Variants in NPFFR2 observed in about 807,000 individuals in gnomAD.
NPFFR2 encodes neuropeptide FF receptor 2.
A neutral mutation model predicts 13.1 loss-of-function variants in NPFFR2; 15 were observed. The observed-to-expected ratio is 1.15, with a 90% CI of 0.77 to 1.76. NPFFR2 has a LOEUF of 1.76. Among genes scored for constraint, NPFFR2 ranks in the 40% most tolerant of loss-of-function variants. The pLI, the probability that NPFFR2 is intolerant of heterozygous loss-of-function variation, is 0.00. For missense variants in NPFFR2, 572 were observed against 503.5 expected (o/e 1.14, Z -1.30); for synonymous variants, 190 against 175.7 (o/e 1.08, Z -0.65).
At chr4:72,108,693 T>C (rs1721482719) in intron 1 of NPFFR2, among the ~76,000 whole-genome samples, 1 of 152,038 alleles carries the variant, frequency 6.6e-6, no homozygotes, top group Non-Finnish European at 1.5e-5. Flanking sequence ...AACAAGATTT[T>C]AACTACCTAA....
intron 1 of NPFFR2, among the ~76,000 whole-genome samples, chr4:72,066,622 A>T (rs1720079696): frequency 8.1e-6 from 1 of 122,760 alleles, no homozygotes; most frequent in East Asian, 2.1e-4. Flanking sequence ...GGATGGGCAC[A>T]AGTTAGATGT....
intron 1 of NPFFR2, among the ~76,000 whole-genome samples, chr4:72,111,659 A>T (rs972905634): frequency 6.6e-6 from 1 of 152,038 alleles, no homozygotes; most frequent in African/African-American, 2.4e-5. Context: ...AGGAAATTCC[A>T]AAAGTCACCG....
At chr4:72,068,860 TC>T in intron 1 of NPFFR2, 1 of 292,912 alleles carries the variant, frequency 3.4e-6, no homozygotes, top group Non-Finnish European at 5.9e-6. Flanking sequence ...TTTTATCTTA[TC>T]TTTTTTCCTG....
intron 1 of NPFFR2, among the ~76,000 whole-genome samples, chr4:72,114,740 GAAC>G (rs1408210609): frequency 6.6e-6 from 1 of 152,082 alleles, no homozygotes; most frequent in Non-Finnish European, 1.5e-5. Flanking sequence ...CTTTTGACAT[GAAC>G]AACATGTTAT....
At chr4:72,120,073 G>A (rs1026625549) in intron 1 of NPFFR2, among the ~76,000 whole-genome samples, 1 of 152,110 alleles carries the variant, frequency 6.6e-6, no homozygotes, top group Non-Finnish European at 1.5e-5. Flanking sequence ...AGTAGACCTG[G>A]GAGGCTCCAG....
In NPFFR2 at chr4:72,148,091, A is replaced by C; in HGVS notation, c.*279A>C. On this transcript the variant is annotated 3_prime_UTR_variant, in exon 4 of 4. Transcript: ENST00000308744. ...AAGCCTCATCTTTCCAAACTTAACC[A>C]TTTGTGTATGCGTCAAATCAAGCCT... 3.3e-6 allele frequency: 1 copy of C among 299,744 alleles called. No individual in the cohort carries two copies. The highest frequency in any genetic ancestry group is 6.5e-5 in the East Asian group (1 of 15,304). 18.6% of individuals were successfully genotyped at this position (299,744 alleles called of 1,614,324 possible).
rs1246920629 is a variant in NPFFR2 at position 72,038,895 on chromosome 4, A to T, written c.-8+6695A>T. On this transcript the variant is annotated intron_variant, in intron 1 of 3. Coordinates refer to ENST00000308744, the MANE Select transcript of NPFFR2 (RefSeq NM_004885.3). ...GTTGTTTTTTAATTCTTGATTTTTA[A>T]ATTTCCTTTCTTTTTTTTTTTTTTT... 1.2e-4 allele frequency among the ~76,000 whole-genome samples: 15 copies of T among 125,644 alleles called. 1 individual carries two copies. The highest frequency in any genetic ancestry group is 4.2e-4 in the African/African-American group (15 of 36,128). The allele number at this position is 125,644 out of a possible 152,430, so 82.4% of individuals were successfully genotyped here. A position where few individuals can be genotyped will look rare whatever the true frequency, so the allele number is the denominator to read the frequency against.
intron 1 of NPFFR2, among the ~76,000 whole-genome samples, chr4:72,081,688 G>T (rs755493690): frequency 6.6e-6 from 1 of 151,776 alleles, no homozygotes; most frequent in African/African-American, 2.4e-5. Flanking sequence ...TGGGGATCTT[G>T]CTATGTTGCC....
At chr4:72,037,403 GAAAA>G (rs11309179) in intron 1 of NPFFR2, among the ~76,000 whole-genome samples, 8 of 130,182 alleles carry the variant, frequency 6.1e-5, no homozygotes, top group Admixed American at 7.7e-5. Flanking sequence ...GATCTTGTTT[GAAAA>G]AAAAAAAAAA....
At chr4:72,059,279 G>T (rs986169378) in intron 1 of NPFFR2, among the ~76,000 whole-genome samples, 1 of 152,132 alleles carries the variant, frequency 6.6e-6, no homozygotes, top group East Asian at 1.9e-4. Flanking sequence ...TTAAAGAAAA[G>T]ATATAGTTTC....
chr4:72,034,381 C>T (rs1349619543), intron 1 of NPFFR2, among the ~76,000 whole-genome samples: 3 of 152,034 alleles, frequency 2.0e-5, no homozygotes, highest in Admixed American at 6.5e-5. Context: ...CGTGATGGCA[C>T]GAAGGAGAAA....
chr4:72,084,746 G>A (rs1720719579), intron 1 of NPFFR2, among the ~76,000 whole-genome samples: 2 of 152,076 alleles, frequency 1.3e-5, no homozygotes, highest in South Asian at 2.1e-4. Flanking sequence ...CCTGGAATGA[G>A]GGACACTGAA....
At chr4:72,102,979 G>A (rs557240272) in intron 1 of NPFFR2, among the ~76,000 whole-genome samples, 1 of 152,098 alleles carries the variant, frequency 6.6e-6, no homozygotes, top group Non-Finnish European at 1.5e-5. Context: ...CTAGTTTACA[G>A]TCCCACCAAC....
intron 1 of NPFFR2, among the ~76,000 whole-genome samples, chr4:72,050,987 T>C (rs1028748813): frequency 1.1e-4 from 16 of 151,940 alleles, no homozygotes; most frequent in African/African-American, 3.6e-4. Context: ...GTATATGTGC[T>C]ACATTTTCTT....
intron 1 of NPFFR2, among the ~76,000 whole-genome samples, chr4:72,048,825 CTT>C (rs1050973694): frequency 1.3e-5 from 2 of 151,522 alleles, no homozygotes; most frequent in Admixed American, 1.3e-4. Context: ...AGAATGTAAT[CTT>C]TTTCGTAATT....
In NPFFR2 at chr4:72,076,006, CAGAGAGAG is replaced by C. The variant is rs746172911; in HGVS notation, c.-8+43813_-8+43820del. Among the ~76,000 whole-genome samples the C allele has an allele frequency of 8.9e-3, 1,099 of 122,810 alleles. 24 individuals carry two copies. Among genetic ancestry groups the C allele is most frequent in the Admixed American group, 0.016 (201 of 12,964 alleles). 80.6% of individuals were successfully genotyped at this position (122,810 alleles called of 152,430 possible). ...ACACACACACACACACACACACACA[CAGAGAGAG>C]AGAGAGGGCAGACAGCACAAGCCAA... On this transcript the variant is annotated intron_variant, in intron 1 of 3. Transcript: ENST00000308744.
intron 1 of NPFFR2, among the ~76,000 whole-genome samples, chr4:72,094,028 C>G (rs1347719426): frequency 2.6e-5 from 4 of 151,418 alleles, no homozygotes; most frequent in African/African-American, 9.7e-5. Context: ...TGGGTACTTC[C>G]TTGATTTGGT....
At chr4:72,100,966 A>G (rs1721229741) in intron 1 of NPFFR2, among the ~76,000 whole-genome samples, 1 of 152,096 alleles carries the variant, frequency 6.6e-6, no homozygotes, top group African/African-American at 2.4e-5. Context: ...ATGGGTTCAT[A>G]TTGAGAGAAA....
chr4:72,103,376 T>G (rs1043514945), intron 1 of NPFFR2, among the ~76,000 whole-genome samples: 2 of 152,160 alleles, frequency 1.3e-5, no homozygotes, highest in Non-Finnish European at 2.9e-5. Context: ...GGATTTGCTC[T>G]CTTGTGCACT....
Sources: allele counts gnomAD v4.1 joint callset (sites outside exome capture counted in the v4.1 genomes callset), GRCh38; gene constraint gnomAD v4.1.1; transcripts MANE v1.5; gene names NCBI Gene and HGNC (gene_info 2026-07-23, HGNC 2026-07-21).